The following CCDC192 variants were observed in gnomAD, a reference collection of about 807,000 sequenced individuals.
CCDC192 encodes coiled-coil domain containing 192.
At chr5:127,914,296 G>A (rs1175522374) in intron 6 of CCDC192, among the ~76,000 whole-genome samples, 1 of 152,128 alleles carries the variant, frequency 6.6e-6, no homozygotes, top group African/African-American at 2.4e-5. Flanking sequence ...TGACCAGTAT[G>A]TCTATAATGT....
At chr5:127,720,772 C>T (rs1751974489) in intron 2 of CCDC192, among the ~76,000 whole-genome samples, 1 of 152,208 alleles carries the variant, frequency 6.6e-6, no homozygotes, top group South Asian at 2.1e-4. Context: ...CACCCACAGG[C>T]TTAACACCAC....
In CCDC192 at chr5:127,856,323, C is replaced by T. The variant is rs924435388; in HGVS notation, c.412-19215C>T. Among the ~76,000 whole-genome samples the T allele has an allele frequency of 4.6e-5, 7 of 152,360 alleles. No individual in the cohort carries two copies. The East Asian group carries it at 1.3e-3, about 29-fold the overall frequency. ...ACTTTTCCTCTGCAGCTTTCTTACTCTCTCAGCCTTCCTAGAATTGAAGAA... is the reference window on the plus strand; with the variant it reads ...ACTTTTCCTCTGCAGCTTTCTTACTTTCTCAGCCTTCCTAGAATTGAAGAA... On this transcript the variant is annotated intron_variant, in intron 5 of 6. Coordinates refer to ENST00000514853, the MANE Select transcript of CCDC192 (RefSeq NM_001317938.2).
chr5:127,894,387 T>C (rs1451548241), intron 6 of CCDC192, among the ~76,000 whole-genome samples: 2 of 151,902 alleles, frequency 1.3e-5, no homozygotes, highest in Non-Finnish European at 2.9e-5. Flanking sequence ...AGAGACAGGT[T>C]TCACCATGTT....
At chr5:127,742,417 G>A (rs1753474931) in intron 2 of CCDC192, among the ~76,000 whole-genome samples, 1 of 152,094 alleles carries the variant, frequency 6.6e-6, no homozygotes, top group African/African-American at 2.4e-5. Context: ...TTTTAGGAAT[G>A]TGTTTATTTC....
At chr5:127,805,650 T>G (rs10519961) in intron 5 of CCDC192, among the ~76,000 whole-genome samples, 7,178 of 152,280 alleles carry the variant, frequency 0.047, 228 homozygotes, top group South Asian at 0.091. Context: ...TTAATCTAAA[T>G]GGAACATTCC....
At chr5:127,755,998 T>C (rs375607174) in intron 3 of CCDC192, among the ~76,000 whole-genome samples, 215 of 152,066 alleles carry the variant, frequency 1.4e-3, no homozygotes, top group African/African-American at 5.0e-3. Context: ...CCCAGCGTAG[T>C]GGGTGGCACC....
At chr5:127,709,868 G>C (rs1431360832) in intron 2 of CCDC192, among the ~76,000 whole-genome samples, 1 of 152,088 alleles carries the variant, frequency 6.6e-6, no homozygotes, top group Non-Finnish European at 1.5e-5. Flanking sequence ...TTGAATTTGG[G>C]ATATGGGAAT....
intron 3 of CCDC192, among the ~76,000 whole-genome samples, chr5:127,763,716 G>T (rs1437860779): frequency 6.6e-6 from 1 of 151,938 alleles, no homozygotes; most frequent in Non-Finnish European, 1.5e-5. Flanking sequence ...TTCTTTAAAG[G>T]TATCATATCC....
chr5:127,718,660 T>C (rs1751780623), intron 2 of CCDC192, among the ~76,000 whole-genome samples: 2 of 152,208 alleles, frequency 1.3e-5, no homozygotes, highest in African/African-American at 4.8e-5. Context: ...ATGTGCAACT[T>C]GCTCATCCTC....
chr5:127,847,283 A>T (rs376524328), intron 5 of CCDC192, among the ~76,000 whole-genome samples: 25 of 152,292 alleles, frequency 1.6e-4, no homozygotes, highest in African/African-American at 6.0e-4. Flanking sequence ...TAAAATCAAA[A>T]TTATTTTTCA....
At chr5:127,891,264 G>T (rs1241553964) in intron 6 of CCDC192, among the ~76,000 whole-genome samples, 7 of 152,108 alleles carry the variant, frequency 4.6e-5, no homozygotes, top group Non-Finnish European at 8.8e-5. Flanking sequence ...ATGTTGGCCG[G>T]GCTGGTCTTG....
In CCDC192 at chr5:127,801,664, A is replaced by T. The variant is rs114035254; in HGVS notation, c.411+3502A>T. 8.6e-3 allele frequency among the ~76,000 whole-genome samples: 1,309 copies of T among 152,180 alleles called. 8 individuals are homozygous for T. Among genetic ancestry groups the T allele is most frequent in the Non-Finnish European group, 0.015 (995 of 68,018 alleles). ...CTTGCAAGACTCAAGTTATGTACCAACTTCTCCCTTAGTCCCCAGATTATT... is the reference window on the plus strand; with the variant it reads ...CTTGCAAGACTCAAGTTATGTACCATCTTCTCCCTTAGTCCCCAGATTATT... On this transcript the variant is annotated intron_variant, in intron 5 of 6. Coordinates refer to ENST00000514853, the MANE Select transcript of CCDC192 (RefSeq NM_001317938.2).
At chr5:127,838,730 T>G (rs545423466) in intron 5 of CCDC192, 2 of 152,320 alleles carry the variant, frequency 1.3e-5, no homozygotes, top group South Asian at 4.1e-4. Context: ...TCAAGAGCGC[T>G]AAAAATGTAC....
At chr5:127,886,253 C>T (rs547509870) in intron 6 of CCDC192, among the ~76,000 whole-genome samples, 51 of 152,292 alleles carry the variant, frequency 3.3e-4, no homozygotes, top group African/African-American at 1.0e-3. Context: ...AGACATGTTC[C>T]GGGGCTACTT....
chr5:127,712,317 A>T (rs566218691), intron 2 of CCDC192, among the ~76,000 whole-genome samples: 1 of 152,286 alleles, frequency 6.6e-6, no homozygotes, highest in East Asian at 1.9e-4. Context: ...AGGGAGTTCT[A>T]ATGGGAGGTG....
chr5:127,923,559 A>G (rs1217215134), intron 6 of CCDC192, among the ~76,000 whole-genome samples: 5 of 151,998 alleles, frequency 3.3e-5, no homozygotes, highest in Non-Finnish European at 7.4e-5. Flanking sequence ...TTGTATTTTT[A>G]GTAGAGACGG....
At chr5:127,735,587 A>G (rs1393906794) in intron 2 of CCDC192, among the ~76,000 whole-genome samples, 5 of 100,774 alleles carry the variant, frequency 5.0e-5, no homozygotes, top group Admixed American at 1.1e-4. Context: ...ATTTGTTTGT[A>G]TCCTCTTTTA....
chr5:127,715,459 C>A (rs1751575795), intron 2 of CCDC192, among the ~76,000 whole-genome samples: 1 of 152,086 alleles, frequency 6.6e-6, no homozygotes, highest in Non-Finnish European at 1.5e-5. Context: ...GTATTTTATG[C>A]CAGTGGCATG....
At chr5:127,939,996 G>A (rs1384915321) in intron 6 of CCDC192, among the ~76,000 whole-genome samples, 4 of 152,132 alleles carry the variant, frequency 2.6e-5, no homozygotes, top group East Asian at 3.8e-4. Context: ...ATATAGCTCC[G>A]AGACATTTAA....
Sources: allele counts gnomAD v4.1 joint callset (sites outside exome capture counted in the v4.1 genomes callset), GRCh38; gene constraint gnomAD v4.1.1; transcripts MANE v1.5; gene names NCBI Gene and HGNC (gene_info 2026-07-23, HGNC 2026-07-21).